Variants in TMEM131L observed in about 807,000 individuals in gnomAD.
The protein encoded by TMEM131L is transmembrane 131 like.
Under a neutral mutation model 192.2 loss-of-function variants are expected in TMEM131L, and 54 were observed. The observed-to-expected ratio is 0.28, with a 90% confidence interval of 0.23 to 0.35. The LOEUF is 0.35. Among genes scored for constraint, TMEM131L ranks in the 10% least tolerant of loss-of-function variants. The pLI is 1.00. For synonymous variants in TMEM131L, 701 were observed against 704.9 expected (o/e 0.99, Z 0.09); for missense variants, 1,888 against 1,972.9 (o/e 0.96, Z 0.82).
Position 153,596,424 on chromosome 4 carries a change from A to G in TMEM131L, c.2123+39A>G, listed in dbSNP as rs149955084. ...TGTTGTAGAATCTGTTTCTTTCTCA[A>G]TGACTCATCTGTGTAAATCTCTTTA... On this transcript the variant is annotated intron_variant, in intron 20 of 34. Coordinates refer to ENST00000409959, the MANE Select transcript of TMEM131L (RefSeq NM_001131007.2). 3.8e-5 allele frequency: 61 copies of G among 1,607,268 alleles called. 1 individual carries two copies. The African/African-American group carries it at 5.7e-4, about 15-fold the overall frequency.
rs111825848 is a variant in TMEM131L, at chr4:153,506,612, G to A, written c.239+32724G>A. Reference sequence around the variant, plus strand: ...AATCCCAGCGCTTTGAGAGGCCAAGGGGGGGACTCATCTGAGGTCAGGAGT... The same window carrying A: ...AATCCCAGCGCTTTGAGAGGCCAAGAGGGGGACTCATCTGAGGTCAGGAGT... On this transcript the variant is annotated intron_variant, in intron 3 of 34. Coordinates refer to ENST00000409959, the MANE Select transcript of TMEM131L (RefSeq NM_001131007.2). 5.9e-3 allele frequency among the ~76,000 whole-genome samples: 894 copies of A among 152,144 alleles called. 6 individuals carry two copies. Among genetic ancestry groups the A allele is most frequent in the African/African-American group, 0.02 (822 of 41,526 alleles).
At chr4:153,545,959 C>G (rs1737141624) in intron 3 of TMEM131L, among the ~76,000 whole-genome samples, 1 of 152,096 alleles carries the variant, frequency 6.6e-6, no homozygotes, top group African/African-American at 2.4e-5. Context: ...TCATTGCTCC[C>G]TGCAGCTTTG....
chr4:153,612,385 C>G lies in TMEM131L; in HGVS notation c.3552C>G (p.Asp1184Glu). Reference protein sequence around the residue: ...SREDMFSEKQDIPFVEQEDPY... With the variant: ...SREDMFSEKQEIPFVEQEDPY... ...AAGACATGTTTTCTGAGAAACAGGA[C>G]ATACCTTTCGTAGAGGTCTGTATTT... The change falls in exon 26 of 35, where the codon GAC becomes GAG. Residue 1184 changes from aspartate to glutamate, a missense_variant. Physicochemically the swap from Asp to Glu is conservative, Grantham distance 45. Transcript: ENST00000409959. 1.3e-6 allele frequency: 2 copies of G among 1,593,250 alleles called. No homozygotes were observed. Among genetic ancestry groups the G allele is most frequent in the Non-Finnish European group, 1.7e-6 (2 of 1,174,034 alleles).
At chr4:153,515,206 A>G (rs999575554) in intron 3 of TMEM131L, among the ~76,000 whole-genome samples, 1 of 152,164 alleles carries the variant, frequency 6.6e-6, no homozygotes, top group Admixed American at 6.5e-5. Context: ...ATTTTCATCA[A>G]CTTATTAGAA....
chr4:153,498,104 T>C (rs1733320631), intron 3 of TMEM131L, among the ~76,000 whole-genome samples: 1 of 152,206 alleles, frequency 6.6e-6, no homozygotes, highest in African/African-American at 2.4e-5. Flanking sequence ...TCTCTGAGTT[T>C]ATGTAAGTTT....
At chr4:153,628,431 A>G (rs966582243) in intron 31 of TMEM131L, among the ~76,000 whole-genome samples, 1 of 152,168 alleles carries the variant, frequency 6.6e-6, no homozygotes, top group Non-Finnish European at 1.5e-5. Context: ...TTGTGGCAGG[A>G]TAAACCTGAT....
intron 26 of TMEM131L, among the ~76,000 whole-genome samples, chr4:153,617,904 T>C (rs998084909): frequency 6.6e-5 from 10 of 151,776 alleles, no homozygotes; most frequent in Admixed American, 1.3e-4. Context: ...CATGAATTTA[T>C]ATTTCATGTC....
intron 18 of TMEM131L, 29 bp from the exon 19 acceptor site, chr4:153,593,770 G>A (rs749118413): frequency 1.3e-6 from 2 of 1,494,352 alleles, no homozygotes; most frequent in South Asian, 1.1e-5. Context: ...TGTGAGTGCT[G>A]TTTTAAACAT....
chr4:153,598,540 C>T, intron 20 of TMEM131L, 50 bp from the exon 21 acceptor site: 1 of 1,483,136 alleles, frequency 6.7e-7, no homozygotes, highest in Non-Finnish European at 9.4e-7. Context: ...GTACATTGTA[C>T]CTTGTGACTC....
At chr4:153,500,043 C>G (rs12503261) in intron 3 of TMEM131L, among the ~76,000 whole-genome samples, 19,855 of 151,696 alleles carry the variant, frequency 0.13, 2,395 homozygotes, top group African/African-American at 0.29. Context: ...CTTCCTTCCT[C>G]CCTTCCTCCC....
intron 3 of TMEM131L, among the ~76,000 whole-genome samples, chr4:153,486,355 A>G (rs915578760): frequency 8.5e-5 from 13 of 152,216 alleles, no homozygotes; most frequent in African/African-American, 2.4e-4. Flanking sequence ...TGCCATTGTA[A>G]TGTGTGCTGA....
chr4:153,544,558 G>A (rs569815039), intron 3 of TMEM131L, among the ~76,000 whole-genome samples: 1 of 152,250 alleles, frequency 6.6e-6, no homozygotes, highest in South Asian at 2.1e-4. Flanking sequence ...TCCACCCCTG[G>A]AGCCAGCAGG....
chr4:153,575,592 T>A (rs1011833479), intron 7 of TMEM131L, among the ~76,000 whole-genome samples: 20 of 152,196 alleles, frequency 1.3e-4, no homozygotes, highest in Admixed American at 1.1e-3. Context: ...AGCCACAATT[T>A]CCCCCATCTT....
chr4:153,540,071 A>G (rs1172331459), intron 3 of TMEM131L, among the ~76,000 whole-genome samples: 1 of 152,102 alleles, frequency 6.6e-6, no homozygotes, highest in Non-Finnish European at 1.5e-5. Flanking sequence ...AGATCGCGCC[A>G]CTGCCCTCCA....
At chr4:153,524,224 C>T (rs990612152) in intron 3 of TMEM131L, among the ~76,000 whole-genome samples, 4 of 149,262 alleles carry the variant, frequency 2.7e-5, no homozygotes, top group African/African-American at 9.9e-5. Flanking sequence ...CAGAGCTTTG[C>T]ATTCTCAGGA....
At chr4:153,579,701 T>C (rs533137782) in intron 7 of TMEM131L, among the ~76,000 whole-genome samples, 3 of 152,214 alleles carry the variant, frequency 2.0e-5, no homozygotes, top group African/African-American at 7.2e-5. Flanking sequence ...CTGCAACTCC[T>C]GGGCTCCAGT....
At chr4:153,546,102 G>A (rs1737153860) in intron 3 of TMEM131L, among the ~76,000 whole-genome samples, 1 of 151,994 alleles carries the variant, frequency 6.6e-6, no homozygotes, top group Admixed American at 6.6e-5. Flanking sequence ...TATTGCCCAG[G>A]CTGGTCTCGA....
Position 153,583,594 on chromosome 4 carries a change from C to G in TMEM131L, c.982C>G (p.Leu328Val), listed in dbSNP as rs1165224154. 28 of 1,611,970 alleles carry G rather than the reference C, an allele frequency of 1.7e-5. No homozygotes were observed. Among genetic ancestry groups the G allele is most frequent in the Non-Finnish European group, 2.4e-5 (28 of 1,179,048 alleles). Residue 328 changes from leucine (L) to valine (V), a missense_variant, in exon 11 of 35, where the codon CTG becomes GTG. By Grantham distance (32) the Leu-to-Val change is conservative. Transcript: ENST00000409959. The stretch of plus-strand genomic sequence containing the variant: ...ACGCCATTTCTCACAGAGAGATGCT[C>G]TGTCTCTGCAGTTTGAACCAGTACT... The part of the protein sequence containing the change: ...DIRHFSQRDA[L>V]SLQFEPVLLP...
At chr4:153,617,877 T>TG (rs1733103791) in intron 26 of TMEM131L, among the ~76,000 whole-genome samples, 1 of 151,162 alleles carries the variant, frequency 6.6e-6, no homozygotes, top group Non-Finnish European at 1.5e-5. Flanking sequence ...TTTTTTTTTT[T>TG]GCTTTTGCAT....
Sources: allele counts gnomAD v4.1 joint callset (sites outside exome capture counted in the v4.1 genomes callset), GRCh38; gene constraint gnomAD v4.1.1; transcripts MANE v1.5; gene names NCBI Gene and HGNC (gene_info 2026-07-23, HGNC 2026-07-21).